ANP32B: variants seen among roughly 807,000 people sequenced by gnomAD.
ANP32B encodes acidic leucine-rich nuclear phosphoprotein 32 family member B.
A neutral mutation model predicts 32.2 loss-of-function variants in ANP32B; 6 were observed. The ratio of observed to expected loss-of-function variants is 0.19; its 90% CI spans 0.10 to 0.37. The LOEUF (loss-of-function observed/expected upper bound fraction) is 0.37. ANP32B is among the 10% of genes least tolerant of loss of function. ANP32B has a pLI of 1.00. For synonymous variants in ANP32B, 98 were observed against 105.8 expected, an observed-to-expected ratio of 0.93 and a Z score of 0.45; for missense variants, 204 against 289.2, an observed-to-expected ratio of 0.71 and a Z score of 2.14.
Position 98,011,383 on chromosome 9 carries a change from TGAG to T in ANP32B, c.635_636+1del. ...GGGATGAGGACGACGATGAAGTCAG[TGAG>T]GAGGTCAGTGCAGCTGTTTTCTACC... is the stretch of plus-strand genomic sequence containing the variant. On this transcript the variant is annotated inframe_deletion, in exon 5 of 7. Transcript: ENST00000339399. 6.3e-7 allele frequency: 1 copy of T among 1,585,712 alleles called. No homozygotes were observed. The highest frequency in any genetic ancestry group is 1.7e-4 in the Middle Eastern group (1 of 6,028).
At chr9:97,997,204 CTA>C (rs1661324959) in intron 2 of ANP32B, among the ~76,000 whole-genome samples, 1 of 152,148 alleles carries the variant, frequency 6.6e-6, no homozygotes, top group African/African-American at 2.4e-5. Context: ...ACACTTGACT[CTA>C]TTGATTATGG....
rs183451026 is a variant in ANP32B, at chr9:98,012,720, C to T, written c.688+248C>T. Among the ~76,000 whole-genome samples the T allele has an allele frequency of 4.0e-3, 608 of 152,036 alleles. 3 individuals are homozygous for T. Among genetic ancestry groups the T allele is most frequent in the African/African-American group, 0.013 (558 of 41,458 alleles). On this transcript the variant is annotated intron_variant, in intron 6 of 6. Coordinates refer to ENST00000339399, the MANE Select transcript of ANP32B (RefSeq NM_006401.3). ...TCTTCAGTCCTCATGGGGTTTTTTTCGGGGTGGTGGTGGTGGTGGTGGTGT... is the reference window on the plus strand; with the variant it reads ...TCTTCAGTCCTCATGGGGTTTTTTTTGGGGTGGTGGTGGTGGTGGTGGTGT...
Position 98,011,452 on chromosome 9 carries a change from A to G in ANP32B, c.636+63A>G, listed in dbSNP as rs1362598064. On this transcript the variant is annotated intron_variant, in intron 5 of 6. Transcript: ENST00000339399. ...AATTACAACAAAAGTGGGGGTTTCA[A>G]AAAGATGACAAAAGAAAAGAAAAAA... 4.1e-5 allele frequency: 62 copies of G among 1,530,230 alleles called. 1 individual carries two copies. In the Admixed American group the frequency reaches 1.2e-3, roughly 30 times the overall value. 94.8% of individuals were successfully genotyped at this position (1,530,230 alleles called of 1,614,324 possible).
At position 98,012,444 on chromosome 9, in the gene ANP32B, A is replaced by AGAT. The variant is rs769738276; in HGVS notation, c.662_663insTGA (p.Glu220_Glu221insAsp). The AGAT allele has an allele frequency of 2.5e-6, 4 of 1,610,148 alleles. No homozygotes were observed. The highest frequency in any genetic ancestry group is 3.4e-6 in the Non-Finnish European group (4 of 1,179,570). Reference sequence around the variant, plus strand: ...AGGAAGAAGAATTTGGACTTGATGAAGAAGATGAAGATGAGGATGAGGATG... The same window carrying AGAT: ...AGGAAGAAGAATTTGGACTTGATGAAGATGAAGATGAAGATGAGGATGAGGATG... On this transcript the variant is annotated inframe_insertion, in exon 6 of 7. Coordinates refer to ENST00000339399, the MANE Select transcript of ANP32B (RefSeq NM_006401.3).
intron 2 of ANP32B, among the ~76,000 whole-genome samples, chr9:97,995,905 G>A (rs866469640): frequency 2.8e-5 from 4 of 144,808 alleles, no homozygotes; most frequent in African/African-American, 7.8e-5. Context: ...CAGCCTGGGC[G>A]ACAGAGCAAG....
intron 3 of ANP32B, among the ~76,000 whole-genome samples, 196 bp from the exon 4 acceptor site, chr9:98,004,768 G>A (rs548120268): frequency 6.6e-6 from 1 of 152,276 alleles, no homozygotes; most frequent in East Asian, 1.9e-4. Flanking sequence ...TGGGAGAGTA[G>A]ATAAAGGAAG....
intron 4 of ANP32B, among the ~76,000 whole-genome samples, chr9:98,006,334 TAA>T (rs1006460914): frequency 8.5e-5 from 13 of 152,336 alleles, no homozygotes; most frequent in African/African-American, 3.1e-4. Flanking sequence ...TGACAGGCTT[TAA>T]GTCAGAATCT....
chr9:98,001,381 A>T (rs1487752466), intron 3 of ANP32B, among the ~76,000 whole-genome samples: 4 of 150,006 alleles, frequency 2.7e-5, no homozygotes, highest in African/African-American at 9.9e-5. Context: ...TTTAGTAGAG[A>T]TGGGGTTTCA....
chr9:97,993,266 A>G (rs1385418145), intron 1 of ANP32B, among the ~76,000 whole-genome samples: 1 of 152,064 alleles, frequency 6.6e-6, no homozygotes, highest in African/African-American at 2.4e-5. Context: ...TAAATGGGGG[A>G]AGGAGAGTGG....
chr9:97,990,190 C>T (rs1217774756), intron 1 of ANP32B, among the ~76,000 whole-genome samples: 1 of 152,186 alleles, frequency 6.6e-6, no homozygotes, highest in Non-Finnish European at 1.5e-5. Flanking sequence ...GGTATATAAG[C>T]CCTAAATTCT....
At chr9:97,987,076 GTCT>G (rs1827748597) in intron 1 of ANP32B, among the ~76,000 whole-genome samples, 1 of 152,162 alleles carries the variant, frequency 6.6e-6, no homozygotes, top group Non-Finnish European at 1.5e-5. Flanking sequence ...TGTTACTAGG[GTCT>G]TCTTCAGTTC....
Position 97,997,265 on chromosome 9 carries a change from T to C in ANP32B, c.205-1291T>C, listed in dbSNP as rs188611937. Among the ~76,000 whole-genome samples, 24 of 152,372 alleles carry C rather than the reference T, an allele frequency of 1.6e-4. No homozygotes were observed. The East Asian group carries it at 4.0e-3, about 26-fold the overall frequency. ...ATGACTATTTCACTGAAATATCCCA[T>C]TGAAAGGAAAAAATGTTTTGAAATG... On this transcript the variant is annotated intron_variant, in intron 2 of 6. Coordinates refer to ENST00000339399, the MANE Select transcript of ANP32B (RefSeq NM_006401.3).
intron 1 of ANP32B, among the ~76,000 whole-genome samples, chr9:97,991,923 A>G (rs114628667): frequency 3.3e-3 from 505 of 152,310 alleles, no homozygotes; most frequent in African/African-American, 0.012. Flanking sequence ...CCAGGTTTTC[A>G]TCTTAGTCCC....
At chr9:97,984,180 C>T (rs906697253) in intron 1 of ANP32B, among the ~76,000 whole-genome samples, 1 of 149,988 alleles carries the variant, frequency 6.7e-6, no homozygotes, top group Admixed American at 6.6e-5. Context: ...TTGAAGGGAG[C>T]GAGAAGCCCC....
intron 4 of ANP32B, among the ~76,000 whole-genome samples, chr9:98,010,391 TG>T (rs1404940742): frequency 6.6e-6 from 1 of 151,798 alleles, no homozygotes. Flanking sequence ...AAGACCAGCC[TG>T]GGCAACATAG....
intron 4 of ANP32B, among the ~76,000 whole-genome samples, chr9:98,007,753 A>G (rs1433524509): frequency 6.6e-6 from 1 of 152,194 alleles, no homozygotes; most frequent in Non-Finnish European, 1.5e-5. Context: ...TAGCTGACAA[A>G]TGTCACCTGA....
At chr9:97,993,738 C>T (rs760088018) in intron 1 of ANP32B, among the ~76,000 whole-genome samples, 3 of 152,178 alleles carry the variant, frequency 2.0e-5, no homozygotes, top group Non-Finnish European at 4.4e-5. Flanking sequence ...CAGGTTCAAG[C>T]GACTCTCCAG....
chr9:98,001,772 C>T (rs995590681), intron 3 of ANP32B, among the ~76,000 whole-genome samples: 3 of 152,046 alleles, frequency 2.0e-5, no homozygotes, highest in East Asian at 1.9e-4. Context: ...AAGTAATCTT[C>T]GTTGTGTTCA....
chr9:97,989,493 AG>A (rs1409672219), intron 1 of ANP32B, among the ~76,000 whole-genome samples: 1 of 152,148 alleles, frequency 6.6e-6, no homozygotes, highest in East Asian at 1.9e-4. Flanking sequence ...TTCAAGCAGA[AG>A]GCCAGTTAAC....
Sources: allele counts gnomAD v4.1 joint callset (sites outside exome capture counted in the v4.1 genomes callset), GRCh38; gene constraint gnomAD v4.1.1; transcripts MANE v1.5; gene names NCBI Gene and HGNC (gene_info 2026-07-23, HGNC 2026-07-21).